Variants in CRACD observed in about 807,000 individuals in gnomAD.
The protein encoded by CRACD is capping protein-inhibiting regulator of actin dynamics.
In CRACD, 56 loss-of-function variants were observed where a neutral mutation model predicts 106.8. The observed-to-expected ratio is 0.52, with a 90% CI of 0.42 to 0.66. The LOEUF is 0.66. Among genes scored for constraint, CRACD ranks in the 30% least tolerant of loss-of-function variants. CRACD has a pLI of 0.00. For missense variants in CRACD, 1,730 were observed against 1,623.2 expected (o/e 1.07, Z -1.13); for synonymous variants, 754 against 670.8 (o/e 1.12, Z -1.92).
At chr4:56,189,976 C>T (rs1456823366) in intron 2 of CRACD, among the ~76,000 whole-genome samples, 1 of 111,872 alleles carries the variant, frequency 8.9e-6, no homozygotes, top group African/African-American at 3.4e-5. Context: ...CCCCTCCCCC[C>T]ACCCCACAAC....
At chr4:56,071,487 G>A (rs1369913408) in intron 1 of CRACD, among the ~76,000 whole-genome samples, 2 of 143,554 alleles carry the variant, frequency 1.4e-5, no homozygotes, top group Non-Finnish European at 1.5e-5. Context: ...TGTTAGCACA[G>A]GTTGTATTTC....
intron 1 of CRACD, among the ~76,000 whole-genome samples, chr4:56,051,985 A>G (rs2109775170): frequency 6.6e-6 from 1 of 152,356 alleles, no homozygotes; most frequent in Admixed American, 6.5e-5. Flanking sequence ...GTTTAGTACA[A>G]ACTAAGCACT....
At chr4:56,282,426 C>G (rs1560516529) in intron 3 of CRACD, among the ~76,000 whole-genome samples, 1 of 152,296 alleles carries the variant, frequency 6.6e-6, no homozygotes, top group East Asian at 1.9e-4. Flanking sequence ...TGGATGATGT[C>G]AGCAGGTCTT....
At chr4:56,125,764 CTTT>C (rs11289899) in intron 1 of CRACD, among the ~76,000 whole-genome samples, 16 of 73,300 alleles carry the variant, frequency 2.2e-4, no homozygotes, top group Admixed American at 6.9e-4. Context: ...CATTCTTCTT[CTTT>C]TTTTTTTTTT....
chr4:56,255,404 T>C (rs1741299201), intron 2 of CRACD, among the ~76,000 whole-genome samples: 1 of 152,108 alleles, frequency 6.6e-6, no homozygotes, highest in African/African-American at 2.4e-5. Flanking sequence ...ATGAAGGCAC[T>C]AATGTAAAGA....
In CRACD at chr4:56,049,198, C is replaced by G. The variant is rs1478990909; in HGVS notation, c.-437C>G. Reference sequence around the variant, plus strand: ...GCTGCTGCCGCGGCGGCTGCTGATGCGGAGGCTGCCGCGCGCAGTGCCGCC... The same window carrying G: ...GCTGCTGCCGCGGCGGCTGCTGATGGGGAGGCTGCCGCGCGCAGTGCCGCC... On this transcript the variant is annotated 5_prime_UTR_variant, in exon 1 of 11. Coordinates refer to ENST00000682029, the MANE Select transcript of CRACD (RefSeq NM_001393381.1). The G allele has an allele frequency of 6.7e-6, 1 of 150,130 alleles. No homozygotes were observed. The highest frequency in any genetic ancestry group is 2.1e-4 in the South Asian group (1 of 4,842). The allele number at this position is 150,130 out of a possible 1,614,324, so 9.3% of individuals were successfully genotyped here.
intron 2 of CRACD, among the ~76,000 whole-genome samples, chr4:56,183,285 T>TAAAATA (rs1736931242): frequency 1.4e-5 from 2 of 143,548 alleles, no homozygotes; most frequent in African/African-American, 5.7e-5. Flanking sequence ...TAAAATAAAA[T>TAAAATA]AAAAAGAATT....
intron 1 of CRACD, among the ~76,000 whole-genome samples, chr4:56,114,977 G>A (rs1417121204): frequency 6.6e-6 from 1 of 152,072 alleles, no homozygotes; most frequent in Admixed American, 6.6e-5. Context: ...GAGATAAAAT[G>A]TACAAATATT....
intron 2 of CRACD, among the ~76,000 whole-genome samples, chr4:56,260,412 C>T (rs1741624718): frequency 2.0e-5 from 3 of 152,168 alleles, no homozygotes; most frequent in Admixed American, 2.0e-4. Flanking sequence ...TTCTTATTGA[C>T]TTTATTAAAA....
At chr4:56,259,742 C>T (rs368776226) in intron 2 of CRACD, among the ~76,000 whole-genome samples, 1 of 152,046 alleles carries the variant, frequency 6.6e-6, no homozygotes, top group South Asian at 2.1e-4. Flanking sequence ...TCATCCGACC[C>T]CTGTGGCTCC....
chr4:56,194,612 T>G (rs1737523193), intron 2 of CRACD, among the ~76,000 whole-genome samples: 1 of 152,186 alleles, frequency 6.6e-6, no homozygotes, highest in South Asian at 2.1e-4. Flanking sequence ...ATTAATGTTT[T>G]TATGAAGGAG....
chr4:56,236,237 G>A (rs1308554493), intron 2 of CRACD, among the ~76,000 whole-genome samples: 1 of 152,108 alleles, frequency 6.6e-6, no homozygotes, highest in Non-Finnish European at 1.5e-5. Context: ...AGAGACTGGA[G>A]TGATGTGTCT....
intron 1 of CRACD, among the ~76,000 whole-genome samples, chr4:56,096,735 G>A (rs1733612136): frequency 6.6e-6 from 1 of 152,162 alleles, no homozygotes; most frequent in African/African-American, 2.4e-5. Flanking sequence ...GTGGTATGAA[G>A]GTCACTGGTG....
intron 1 of CRACD, among the ~76,000 whole-genome samples, chr4:56,152,229 G>C (rs1735607112): frequency 6.6e-6 from 1 of 151,562 alleles, no homozygotes; most frequent in Non-Finnish European, 1.5e-5. Flanking sequence ...GTGTTAGCCA[G>C]GATGGTCTCG....
At chr4:56,256,108 T>C (rs1159949511) in intron 2 of CRACD, among the ~76,000 whole-genome samples, 4 of 152,198 alleles carry the variant, frequency 2.6e-5, no homozygotes, top group African/African-American at 9.7e-5. Context: ...ACTACTGATA[T>C]GGTTTGGCTA....
chr4:56,232,700 C>CTTTTATTTA (rs1553912494), intron 2 of CRACD, among the ~76,000 whole-genome samples: 1 of 141,588 alleles, frequency 7.1e-6, no homozygotes, highest in African/African-American at 2.6e-5. Context: ...AAACATGTAT[C>CTTTTATTTA]TTTATTTATT....
intron 2 of CRACD, among the ~76,000 whole-genome samples, chr4:56,270,168 C>T (rs530212494): frequency 7.9e-5 from 12 of 151,970 alleles, no homozygotes; most frequent in African/African-American, 1.2e-4. Context: ...CACCTTATGC[C>T]GCTGCTTAGG....
chr4:56,096,137 G>A (rs1733593498), intron 1 of CRACD, among the ~76,000 whole-genome samples: 1 of 152,166 alleles, frequency 6.6e-6, no homozygotes, highest in South Asian at 2.1e-4. Flanking sequence ...TAGAGATGTA[G>A]AAAAGGCAGA....
intron 1 of CRACD, among the ~76,000 whole-genome samples, chr4:56,057,282 A>G (rs1732106317): frequency 6.6e-6 from 1 of 152,190 alleles, no homozygotes; most frequent in Non-Finnish European, 1.5e-5. Flanking sequence ...GGGCTCAGGA[A>G]GACTGAAACT....
Sources: gnomAD v4.1 joint callset for allele counts (sites outside exome capture counted in the v4.1 genomes callset) on GRCh38, gnomAD v4.1.1 for gene constraint, MANE v1.5 for transcripts, NCBI Gene and HGNC (gene_info 2026-07-23, HGNC 2026-07-21) for gene names.